Variants in TANGO2 observed in about 807,000 individuals in gnomAD.
TANGO2 encodes the protein transport and Golgi organization protein 2 homolog.
A neutral mutation model predicts 39.1 loss-of-function variants in TANGO2; 26 were observed. That is an observed-to-expected ratio of 0.67 (90% CI 0.49 to 0.92). The LOEUF is 0.92. Ranked by LOEUF, TANGO2 falls within the 40% of genes least tolerant of loss-of-function variation. The pLI is 0.00. For missense variants in TANGO2, 326 were observed against 360.1 expected (o/e 0.91, Z 0.77); for synonymous variants, 131 against 144.5 (o/e 0.91, Z 0.67).
rs377220896 is a variant in TANGO2, at chr22:20,056,924, G to T, written c.451+911G>T. On this transcript the variant is annotated intron_variant, in intron 6 of 8. Transcript: ENST00000327374. ...TACTCAAGCTGCTGGCTCACACAGG[G>T]TGTTCCGGCGCCTGGGGAGTGTGTC... 807 of 456,614 alleles carry T rather than the reference G, an allele frequency of 1.8e-3. 13 individuals are homozygous for T. The highest frequency in any genetic ancestry group is 0.012 in the South Asian group (793 of 64,562). 28.3% of individuals were successfully genotyped at this position (456,614 alleles called of 1,614,324 possible).
intron 1 of TANGO2, among the ~76,000 whole-genome samples, chr22:20,030,820 G>C (rs916487288): frequency 6.6e-6 from 1 of 152,200 alleles, no homozygotes; most frequent in African/African-American, 2.4e-5. Flanking sequence ...CAGTCATTAA[G>C]ACTTCCTGAG....
chr22:20,063,310 A>C lies in TANGO2; in HGVS notation c.606-28A>C, dbSNP rs542528421. On this transcript the variant is annotated intron_variant, in intron 7 of 8. Coordinates refer to ENST00000327374, the MANE Select transcript of TANGO2 (RefSeq NM_152906.7). ...CTGCGGGCGGGCCACAGAGGGACTA[A>C]TGGCCACCACTTCTCTCCATCCTGC... 1.3e-4 allele frequency: 207 copies of C among 1,605,880 alleles called. 1 individual carries two copies. The East Asian group carries it at 4.5e-3, about 35-fold the overall frequency.
intron 1 of TANGO2, among the ~76,000 whole-genome samples, chr22:20,032,272 T>G (rs549818664): frequency 6.6e-6 from 1 of 152,364 alleles, no homozygotes; most frequent in South Asian, 2.1e-4. Context: ...ATTTTCCGCC[T>G]GGAGAGGATG....
rs184877522 is a variant in TANGO2 at position 20,051,978 on chromosome 22, A to T, written c.146-487A>T. Among the ~76,000 whole-genome samples the T allele has an allele frequency of 1.8e-3, 267 of 152,326 alleles. 2 individuals are homozygous for T. The highest frequency in any genetic ancestry group is 4.0e-3 in the Admixed American group (61 of 15,306). The stretch of plus-strand genomic sequence containing the variant: ...CTCCTGTGGCTTTCAGAGCCCTCCA[A>T]CCTTGTGGCATTAGCAGTGGCCCAT... On this transcript the variant is annotated intron_variant, in intron 3 of 8. Coordinates refer to ENST00000327374, the MANE Select transcript of TANGO2 (RefSeq NM_152906.7).
chr22:20,023,799 A>G (rs2040198669), intron 1 of TANGO2, among the ~76,000 whole-genome samples: 1 of 151,580 alleles, frequency 6.6e-6, no homozygotes, highest in Non-Finnish European at 1.5e-5. Flanking sequence ...CAGAGCTTGC[A>G]GTGAGCCGGG....
intron 8 of TANGO2, 21 bp downstream of exon 8, chr22:20,063,463 C>G: frequency 6.3e-7 from 1 of 1,598,078 alleles, no homozygotes; most frequent in Non-Finnish European, 8.6e-7. Flanking sequence ...ACCGTGGGTG[C>G]GCCACCTCCT....
chr22:20,037,994 CAA>C (rs2043184603), intron 2 of TANGO2, among the ~76,000 whole-genome samples: 1 of 152,072 alleles, frequency 6.6e-6, no homozygotes, highest in Admixed American at 6.5e-5. Flanking sequence ...GAGGCTGAGA[CAA>C]GAGAATGGCG....
intron 5 of TANGO2, chr22:20,055,724 G>A (rs1313883621): frequency 1.2e-5 from 7 of 599,538 alleles, no homozygotes; most frequent in East Asian, 2.8e-5. Flanking sequence ...GCCCCGAGGT[G>A]AGCTGGGAAC....
intron 2 of TANGO2, among the ~76,000 whole-genome samples, chr22:20,039,901 C>CA (rs2043589252): frequency 6.6e-6 from 1 of 151,466 alleles, no homozygotes. Flanking sequence ...TACACGCACT[C>CA]ACCCTGCCTA....
chr22:20,061,187 C>T, intron 6 of TANGO2: 1 of 190,394 alleles, frequency 5.3e-6, no homozygotes, highest in Non-Finnish European at 1.1e-5. Context: ...GCCCCCCAAC[C>T]TGGCGTGAGG....
At chr22:20,064,293 G>A (rs1357218546) in intron 8 of TANGO2, among the ~76,000 whole-genome samples, 2 of 152,148 alleles carry the variant, frequency 1.3e-5, no homozygotes, top group Admixed American at 6.5e-5. Context: ...AGGGCAGGGT[G>A]GGGTGGTTCC....
At chr22:20,056,973 C>A (rs1279121289) in intron 6 of TANGO2, 1 of 456,032 alleles carries the variant, frequency 2.2e-6, no homozygotes, top group African/African-American at 2.0e-5. Flanking sequence ...CCACCCACAC[C>A]CCTCTGTGAG....
upstream of TANGO2, among the ~76,000 whole-genome samples, chr22:20,017,359 G>A (rs996271683): frequency 7.2e-5 from 11 of 152,326 alleles, no homozygotes; most frequent in South Asian, 4.1e-4. Context: ...GAACACAGTC[G>A]TCTGACCCTG....
intron 8 of TANGO2, among the ~76,000 whole-genome samples, chr22:20,063,761 G>T (rs1246140170): frequency 6.6e-6 from 1 of 152,262 alleles, no homozygotes; most frequent in Non-Finnish European, 1.5e-5. Flanking sequence ...CTGTACCCTT[G>T]GGTGGTGGCT....
intron 3 of TANGO2, among the ~76,000 whole-genome samples, chr22:20,048,937 G>A (rs988973991): frequency 1.1e-4 from 17 of 152,136 alleles, no homozygotes; most frequent in South Asian, 4.1e-4. Flanking sequence ...GAGCCACTGC[G>A]CCCGGCCAGA....
chr22:20,048,777 G>C (rs1015678015), intron 3 of TANGO2, among the ~76,000 whole-genome samples: 1 of 152,066 alleles, frequency 6.6e-6, no homozygotes, highest in Non-Finnish European at 1.5e-5. Context: ...CTCCTGAGTA[G>C]CTGGGACTAC....
chr22:20,023,075 A>G (rs1370836049), intron 1 of TANGO2, among the ~76,000 whole-genome samples: 1 of 152,232 alleles, frequency 6.6e-6, no homozygotes, highest in Non-Finnish European at 1.5e-5. Flanking sequence ...AGGTTATCAC[A>G]GCTTTTTCCC....
In TANGO2 at chr22:20,063,329, A is replaced by G; in HGVS notation, c.606-9A>G. 1 of 1,612,420 alleles carries G rather than the reference A, an allele frequency of 6.2e-7. No individual in the cohort carries two copies. The highest frequency in any genetic ancestry group is 1.1e-5 in the South Asian group (1 of 90,982). Reference sequence around the variant, plus strand: ...GGACTAATGGCCACCACTTCTCTCCATCCTGCAGGCAGCTGCCAGACCCGG... The same window carrying G: ...GGACTAATGGCCACCACTTCTCTCCGTCCTGCAGGCAGCTGCCAGACCCGG... On this transcript the variant is annotated splice_polypyrimidine_tract_variant and intron_variant, in intron 7 of 8. Transcript: ENST00000327374.
intron 1 of TANGO2, among the ~76,000 whole-genome samples, chr22:20,026,972 G>A (rs2040884616): frequency 6.6e-6 from 1 of 152,162 alleles, no homozygotes; most frequent in South Asian, 2.1e-4. Context: ...ACCTGGGACT[G>A]GGTCATTTAT....
Sources: gnomAD v4.1 joint callset for allele counts (sites outside exome capture counted in the v4.1 genomes callset) on GRCh38, gnomAD v4.1.1 for gene constraint, MANE v1.5 for transcripts, NCBI Gene and HGNC (gene_info 2026-07-23, HGNC 2026-07-21) for gene names.